Variants in FBXO33 observed in about 807,000 individuals in gnomAD.
The protein encoded by FBXO33 is F-box protein 33.
A neutral mutation model predicts 46.3 loss-of-function variants in FBXO33; 22 were observed. The ratio of observed to expected loss-of-function variants is 0.48; its 90% confidence interval spans 0.34 to 0.68. The LOEUF (loss-of-function observed/expected upper bound fraction) is 0.68. FBXO33 is among the 30% of genes least tolerant of loss of function. The pLI is 0.01. For synonymous variants in FBXO33, 337 were observed against 291.3 expected (o/e 1.16, Z -1.60); for missense variants, 692 against 708.8 (o/e 0.98, Z 0.27).
intron 1 of FBXO33, among the ~76,000 whole-genome samples, chr14:39,431,278 T>G (rs545906574): frequency 6.6e-6 from 1 of 152,180 alleles, no homozygotes; most frequent in East Asian, 1.9e-4. Context: ...TGACAGCGCC[T>G]GTCAGCTCCA....
chr14:39,431,543 C>T (rs1173309099), intron 1 of FBXO33, 21 bp downstream of exon 1: 11 of 1,608,184 alleles, frequency 6.8e-6, no homozygotes, highest in Non-Finnish European at 9.3e-6. Context: ...CCGGGCGGGG[C>T]GGGGCTCAGG....
Position 39,401,264 on chromosome 14 carries a change from A to G in FBXO33, c.1308T>C (p.Gly436=). ...ILMNDVIDTS[G]FPDLSDNRNE... Reference sequence around the variant, plus strand: ...TTCGGTTGTCACTAAGATCTGGAAAACCAGATGTGTCAATCACATCATTCA... The same window carrying G: ...TTCGGTTGTCACTAAGATCTGGAAAGCCAGATGTGTCAATCACATCATTCA... The change falls in exon 3 of 4, where the codon GGT becomes GGC. Residue 436 remains glycine (G), a synonymous_variant. Transcript: ENST00000298097. 2.5e-6 allele frequency: 4 copies of G among 1,614,028 alleles called. No homozygotes were observed. Among genetic ancestry groups the G allele is most frequent in the Non-Finnish European group, 3.4e-6 (4 of 1,179,984 alleles).
At chr14:39,424,836 T>C (rs930631983) in intron 1 of FBXO33, among the ~76,000 whole-genome samples, 1 of 152,100 alleles carries the variant, frequency 6.6e-6, no homozygotes, top group African/African-American at 2.4e-5. Flanking sequence ...AGGCGGATCA[T>C]GAGGTTGGGA....
intron 1 of FBXO33, among the ~76,000 whole-genome samples, chr14:39,419,739 T>G (rs1316550204): frequency 6.6e-6 from 1 of 152,244 alleles, no homozygotes; most frequent in African/African-American, 2.4e-5. Flanking sequence ...AAATAACACT[T>G]GCTTAAAAGA....
intron 1 of FBXO33, among the ~76,000 whole-genome samples, chr14:39,415,314 A>G (rs2075442498): frequency 6.6e-6 from 1 of 152,204 alleles, no homozygotes; most frequent in African/African-American, 2.4e-5. Context: ...TGACGACGAC[A>G]ACAACAAGAA....
chr14:39,421,850 G>A (rs1165557069), intron 1 of FBXO33, among the ~76,000 whole-genome samples: 1 of 151,248 alleles, frequency 6.6e-6, no homozygotes, highest in Non-Finnish European at 1.5e-5. Context: ...AACCAAAAAG[G>A]GGAAAAATAT....
chr14:39,432,239 G>A lies in FBXO33; in HGVS notation c.-77C>T, dbSNP rs1001697674. 25 of 1,122,184 alleles carry A rather than the reference G, an allele frequency of 2.2e-5. No individual in the cohort carries two copies. The East Asian group carries it at 5.1e-4, about 23-fold the overall frequency. 69.5% of individuals were successfully genotyped at this position (1,122,184 alleles called of 1,614,324 possible). On this transcript the variant is annotated 5_prime_UTR_variant, in exon 1 of 4. Coordinates refer to ENST00000298097, the MANE Select transcript of FBXO33 (RefSeq NM_203301.4). ...GTAGAACACAAGTTGTGGAGAGGGG[G>A]AAAGGCCTCTGCGGGCGTGGCCTGC...
At chr14:39,411,182 G>A (rs1014505279) in intron 1 of FBXO33, among the ~76,000 whole-genome samples, 7 of 151,464 alleles carry the variant, frequency 4.6e-5, no homozygotes, top group Non-Finnish European at 1.0e-4. Flanking sequence ...TGCACCCTCC[G>A]CCTCCCAGGT....
At chr14:39,426,144 TTTTA>T (rs1209391521) in intron 1 of FBXO33, among the ~76,000 whole-genome samples, 1 of 151,956 alleles carries the variant, frequency 6.6e-6, no homozygotes, top group East Asian at 1.9e-4. Flanking sequence ...TTTATTTATT[TTTTA>T]TTTTATTTTT....
chr14:39,431,370 T>C (rs1189895189), intron 1 of FBXO33, among the ~76,000 whole-genome samples, 194 bp downstream of exon 1: 1 of 152,120 alleles, frequency 6.6e-6, no homozygotes, highest in Non-Finnish European at 1.5e-5. Context: ...CACCACTGTT[T>C]ATAAAGTATC....
At chr14:39,425,075 C>G (rs564006827) in intron 1 of FBXO33, among the ~76,000 whole-genome samples, 5 of 152,130 alleles carry the variant, frequency 3.3e-5, no homozygotes, top group Non-Finnish European at 7.4e-5. Context: ...TATTAAAATT[C>G]CACTGAAATG....
Position 39,431,814 on chromosome 14 carries a change from C to G in FBXO33, c.349G>C (p.Val117Leu), listed in dbSNP as rs2075556694. Residue 117 changes from valine (V) to leucine (L), a missense_variant, in exon 1 of 4, where the codon GTC becomes CTC. Val to Leu is a conservative substitution (Grantham distance 32). This residue lies in a region of FBXO33 where 412 missense variants were observed against 370.8 expected (regional missense o/e 1.11). Coordinates refer to ENST00000298097, the MANE Select transcript of FBXO33 (RefSeq NM_203301.4). ...LWPQLRICLRVSPAEQPRLEF... is the reference protein window; with the variant it reads ...LWPQLRICLRLSPAEQPRLEF... ...AGCCGAGGCTGCTCCGCGGGCGAGA[C>G]GCGGAGGCAGATGCGGAGCTGGGGC... is the stretch of plus-strand genomic sequence containing the variant. The G allele has an allele frequency of 1.2e-6, 2 of 1,610,608 alleles. No homozygotes were observed. Among genetic ancestry groups the G allele is most frequent in the South Asian group, 2.2e-5 (2 of 91,010 alleles).
At chr14:39,400,901 C>T (rs2075365646) in intron 3 of FBXO33, among the ~76,000 whole-genome samples, 1 of 152,142 alleles carries the variant, frequency 6.6e-6, no homozygotes, top group Non-Finnish European at 1.5e-5. Flanking sequence ...TGTGTGCTTT[C>T]TTAGCTAAAT....
At position 39,431,594 on chromosome 14, in the gene FBXO33, A is replaced by T; in HGVS notation, c.569T>A (p.Leu190His). 2 of 1,613,304 alleles carry T rather than the reference A, an allele frequency of 1.2e-6. No individual in the cohort carries two copies. The highest frequency in any genetic ancestry group is 8.5e-7 in the Non-Finnish European group (1 of 1,180,028). Residue 190 changes from leucine (L) to histidine (H), a missense_variant, in exon 1 of 4, where the codon CTT becomes CAT. By Grantham distance (99) the Leu-to-His change is moderately conservative. This residue lies in a region of FBXO33 where 412 missense variants were observed against 370.8 expected (regional missense o/e 1.11). Transcript: ENST00000298097. ...EVLRTYLELV[L>H]CVLVSIRNNR... ...GTTCCGGATGCTGACCAGCACGCAA[A>T]GCACCAGCTCCAAGTAGGTGCGCAG...
At chr14:39,416,720 TCA>T (rs1465310958) in intron 1 of FBXO33, among the ~76,000 whole-genome samples, 3 of 152,170 alleles carry the variant, frequency 2.0e-5, no homozygotes, top group African/African-American at 7.2e-5. Flanking sequence ...CTTACTTTGC[TCA>T]TATATTCTTT....
At chr14:39,408,672 C>CTT (rs1422343669) in intron 1 of FBXO33, among the ~76,000 whole-genome samples, 3 of 108,290 alleles carry the variant, frequency 2.8e-5, no homozygotes, top group African/African-American at 8.5e-5. Context: ...ACCACCATGC[C>CTT]TATTTTTTTT....
At chr14:39,402,963 G>T (rs2075375754) in intron 1 of FBXO33, among the ~76,000 whole-genome samples, 1 of 152,094 alleles carries the variant, frequency 6.6e-6, no homozygotes, top group Admixed American at 6.5e-5. Flanking sequence ...TATAAAGATT[G>T]GTTCAGGAAC....
chr14:39,405,232 ATGAGT>A (rs1256921624), intron 1 of FBXO33, among the ~76,000 whole-genome samples: 2 of 151,986 alleles, frequency 1.3e-5, no homozygotes, highest in Non-Finnish European at 2.9e-5. Flanking sequence ...AAGTGGGGAG[ATGAGT>A]TAAGAAAGTA....
chr14:39,428,673 T>C (rs147497379), intron 1 of FBXO33, among the ~76,000 whole-genome samples: 1 of 152,180 alleles, frequency 6.6e-6, no homozygotes, highest in Non-Finnish European at 1.5e-5. Context: ...TTACCTATTA[T>C]CATAAATCTT....
Sources: gnomAD v4.1 joint callset for allele counts (sites outside exome capture counted in the v4.1 genomes callset) on GRCh38, gnomAD v4.1.1 for gene constraint, gnomAD v4.1.1 regional missense constraint, MANE v1.5 for transcripts, NCBI Gene and HGNC (gene_info 2026-07-23, HGNC 2026-07-21) for gene names.